MEIS2: variants seen among roughly 807,000 people sequenced by gnomAD.
MEIS2 encodes the protein Meis homeobox 2.
A neutral mutation model predicts 58.6 loss-of-function variants in MEIS2; 9 were observed. The observed-to-expected ratio is 0.15, with a 90% CI of 0.09 to 0.27. The LOEUF (loss-of-function observed/expected upper bound fraction) is 0.27, where lower values mean the gene tolerates loss of function less well. MEIS2 is among the 10% of genes least tolerant of loss of function. The pLI is 1.00. For synonymous variants in MEIS2, 221 were observed against 228.4 expected, an observed-to-expected ratio of 0.97 and a Z score of 0.29; for missense variants, 427 against 635.0, an observed-to-expected ratio of 0.67 and a Z score of 3.52.
At chr15:36,973,636 T>C (rs2059643496) in intron 8 of MEIS2, among the ~76,000 whole-genome samples, 1 of 152,212 alleles carries the variant, frequency 6.6e-6, no homozygotes, top group Non-Finnish European at 1.5e-5. Flanking sequence ...AAGTTGTAAT[T>C]AGAAGAATCA....
At chr15:36,959,993 T>C (rs1034831208) in intron 8 of MEIS2, among the ~76,000 whole-genome samples, 2 of 152,136 alleles carry the variant, frequency 1.3e-5, no homozygotes, top group African/African-American at 4.8e-5. Flanking sequence ...ATTAGTCCAT[T>C]ACAACATTTC....
chr15:37,058,651 A>C (rs999492717), intron 7 of MEIS2, among the ~76,000 whole-genome samples: 17 of 152,256 alleles, frequency 1.1e-4, no homozygotes, highest in African/African-American at 4.1e-4. Context: ...TGATTTCTGC[A>C]TTAAAAATGT....
intron 8 of MEIS2, among the ~76,000 whole-genome samples, chr15:37,000,871 A>G (rs1045533202): frequency 1.3e-5 from 2 of 151,980 alleles, no homozygotes; most frequent in Admixed American, 6.6e-5. Context: ...GATCCTCTCT[A>G]TTTTCACAGG....
intron 9 of MEIS2, among the ~76,000 whole-genome samples, chr15:36,905,929 T>G (rs2056711099): frequency 6.6e-6 from 1 of 152,124 alleles, no homozygotes. Context: ...TAGTCCATAG[T>G]CAGTAAATAA....
chr15:37,036,723 C>A (rs536035679), intron 8 of MEIS2, 91 bp downstream of exon 8: 5 of 1,379,224 alleles, frequency 3.6e-6, no homozygotes, highest in African/African-American at 1.5e-5. Context: ...AAAATAGGCA[C>A]CTTAGTTTAA....
chr15:36,915,230 C>A (rs2057223732), intron 9 of MEIS2, among the ~76,000 whole-genome samples: 2 of 151,312 alleles, frequency 1.3e-5, no homozygotes, highest in South Asian at 4.2e-4. Context: ...GTTTACTTGT[C>A]CTGTTATTAA....
At chr15:37,075,589 T>C (rs533594699) in intron 7 of MEIS2, among the ~76,000 whole-genome samples, 1 of 152,006 alleles carries the variant, frequency 6.6e-6, no homozygotes, top group South Asian at 2.1e-4. Flanking sequence ...AAAAGAAAAA[T>C]CTGTGGATTT....
At chr15:36,949,325 C>T (rs1337770209) in intron 9 of MEIS2, among the ~76,000 whole-genome samples, 5 of 151,932 alleles carry the variant, frequency 3.3e-5, no homozygotes, top group Non-Finnish European at 5.9e-5. Context: ...AATTGACCCT[C>T]GGGTAGCTCA....
At chr15:37,082,129 G>A (rs915518624) in intron 7 of MEIS2, among the ~76,000 whole-genome samples, 1 of 152,134 alleles carries the variant, frequency 6.6e-6, no homozygotes, top group African/African-American at 2.4e-5. Context: ...CTACAGAGAG[G>A]AGAAAAACTC....
intron 8 of MEIS2, among the ~76,000 whole-genome samples, chr15:36,957,237 T>G (rs1289366045): frequency 7.2e-5 from 11 of 152,306 alleles, no homozygotes; most frequent in African/African-American, 2.6e-4. Context: ...ATGTTTTTTG[T>G]GTAAAGTTGA....
At chr15:36,960,134 C>T (rs2141425757) in intron 8 of MEIS2, among the ~76,000 whole-genome samples, 1 of 152,208 alleles carries the variant, frequency 6.6e-6, no homozygotes, top group South Asian at 2.1e-4. Flanking sequence ...ACAGATTATG[C>T]TATGAATAAT....
At chr15:36,994,165 G>C (rs1192544838) in intron 8 of MEIS2, among the ~76,000 whole-genome samples, 1 of 152,028 alleles carries the variant, frequency 6.6e-6, no homozygotes, top group Non-Finnish European at 1.5e-5. Context: ...GATTCTGGCA[G>C]GAAAGACTGT....
At chr15:37,063,119 CA>C (rs2141846648) in intron 7 of MEIS2, among the ~76,000 whole-genome samples, 1 of 152,192 alleles carries the variant, frequency 6.6e-6, no homozygotes, top group African/African-American at 2.4e-5. Context: ...TAGAAAATAC[CA>C]AAACCCACCT....
intron 11 of MEIS2, among the ~76,000 whole-genome samples, chr15:36,893,083 C>T (rs11853132): frequency 0.43 from 65,869 of 151,922 alleles, 14,802 homozygotes; most frequent in Middle Eastern, 0.51. Flanking sequence ...GGTAGTTTAT[C>T]TCTGAAAATC....
At chr15:36,982,763 C>A (rs1311670914) in intron 8 of MEIS2, among the ~76,000 whole-genome samples, 1 of 152,156 alleles carries the variant, frequency 6.6e-6, no homozygotes, top group African/African-American at 2.4e-5. Flanking sequence ...AATTTACATT[C>A]CCACCAACAT....
At chr15:37,061,388 C>T (rs188058369) in intron 7 of MEIS2, among the ~76,000 whole-genome samples, 25 of 152,266 alleles carry the variant, frequency 1.6e-4, no homozygotes, top group African/African-American at 5.8e-4. Flanking sequence ...TTAAATTTCA[C>T]CCAGGAAACA....
chr15:37,098,730 C>A (rs576889628), intron 1 of MEIS2, among the ~76,000 whole-genome samples: 3 of 152,180 alleles, frequency 2.0e-5, no homozygotes, highest in East Asian at 3.9e-4. Flanking sequence ...CCCTAACCCC[C>A]CTTCGCCTCC....
intron 9 of MEIS2, among the ~76,000 whole-genome samples, chr15:36,909,968 C>T (rs1028899395): frequency 6.6e-6 from 1 of 151,938 alleles, no homozygotes; most frequent in Non-Finnish European, 1.5e-5. Context: ...TTTGAGAGGC[C>T]AAGGCAGGAG....
chr15:37,061,448 C>T (rs1057319031), intron 7 of MEIS2, among the ~76,000 whole-genome samples: 7 of 152,170 alleles, frequency 4.6e-5, no homozygotes, highest in South Asian at 2.1e-4. Flanking sequence ...TGACTGCACT[C>T]GTATTTATAA....
Sources: allele counts gnomAD v4.1 joint callset (sites outside exome capture counted in the v4.1 genomes callset), GRCh38; gene constraint gnomAD v4.1.1; transcripts MANE v1.5; gene names NCBI Gene and HGNC (gene_info 2026-07-23, HGNC 2026-07-21).